Variants in MROH2A observed in about 807,000 individuals in gnomAD.
MROH2A encodes the protein maestro heat like repeat family member 2A, also known as maestro heat-like repeat-containing protein family member 2A.
MROH2A carries 174 observed loss-of-function variants against 200.4 expected under a neutral mutation model. That is an observed-to-expected ratio of 0.87 (90% confidence interval 0.77 to 0.98). The LOEUF (loss-of-function observed/expected upper bound fraction) is 0.98. MROH2A is among the 50% of genes least tolerant of loss of function. The probability of loss-of-function intolerance (pLI) is 0.00; values close to 1 mark genes in which losing one functional copy is unlikely to be tolerated. For missense variants in MROH2A, 2,045 were observed against 2,139.6 expected (o/e 0.96, Z 0.87); for synonymous variants, 829 against 840.4 (o/e 0.99, Z 0.23).
At chr2:233,832,745 T>C in intron 41 of MROH2A, 101 bp downstream of exon 41, 1 of 454,224 alleles carries the variant, frequency 2.2e-6, no homozygotes, top group East Asian at 6.5e-5. Flanking sequence ...GACCCTTTGC[T>C]GTGGGGTTTC....
At chr2:233,817,567 G>A (rs1703624041) in intron 27 of MROH2A, among the ~76,000 whole-genome samples, 1 of 152,180 alleles carries the variant, frequency 6.6e-6, no homozygotes, top group African/African-American at 2.4e-5. Flanking sequence ...GGCTTCACCT[G>A]GGCTCTCATG....
chr2:233,819,614 A>T, intron 30 of MROH2A, 145 bp downstream of exon 30: 1 of 949,490 alleles, frequency 1.1e-6, no homozygotes. Flanking sequence ...GAGGAAACAG[A>T]GTTCTAGAGC....
intron 19 of MROH2A, among the ~76,000 whole-genome samples, chr2:233,806,951 T>G (rs1324849933): frequency 2.0e-5 from 3 of 152,076 alleles, no homozygotes; most frequent in Admixed American, 6.5e-5. Context: ...TTTCCTACCC[T>G]TTCCCCCTGA....
intron 40 of MROH2A, 56 bp downstream of exon 40, chr2:233,832,335 C>T (rs1704818991): frequency 6.9e-7 from 1 of 1,452,010 alleles, no homozygotes; most frequent in Admixed American, 2.0e-5. Flanking sequence ...CTCTAGTCCA[C>T]CCCGGCACTC....
At chr2:233,812,701 C>T (rs1703242612) in intron 24 of MROH2A, among the ~76,000 whole-genome samples, 1 of 152,088 alleles carries the variant, frequency 6.6e-6, no homozygotes, top group Non-Finnish European at 1.5e-5. Context: ...TAGGTCAAAG[C>T]TGACTAACAG....
intron 3 of MROH2A, among the ~76,000 whole-genome samples, chr2:233,784,316 T>G (rs888773182): frequency 6.6e-6 from 1 of 152,238 alleles, no homozygotes; most frequent in African/African-American, 2.4e-5. Context: ...TCCAGCAATA[T>G]ATTACATAAT....
chr2:233,822,364 C>T lies in MROH2A; in HGVS notation c.3674C>T (p.Thr1225Ile), dbSNP rs1559479197. Reference sequence around the variant, plus strand: ...ATGCCCTGGACCTTCTCTCTGCAGACCCTGTGCACCATCCACCTTCTCATT... The same window carrying T: ...ATGCCCTGGACCTTCTCTCTGCAGATCCTGTGCACCATCCACCTTCTCATT... ...WRLAAVDPLM[T>I]LCTIHLLIQK... is the part of the protein sequence containing the mutation. The change falls in exon 33 of 42, where the codon ACC becomes ATC. Residue 1225 changes from threonine (T) to isoleucine (I), a missense_variant and splice_region_variant. Physicochemically the swap from Thr to Ile is moderately conservative, Grantham distance 89 (BLOSUM62 -1). Around this residue, in one of 3 missense-constraint regions of MROH2A, gnomAD observed 1,201 missense variants for 1,311.3 expected, o/e 0.92. Transcript: ENST00000389758. The T allele has an allele frequency of 1.3e-6, 2 of 1,550,784 alleles. No homozygotes were observed. Among genetic ancestry groups the T allele is most frequent in the African/African-American group, 2.7e-5 (2 of 73,046 alleles).
At chr2:233,826,446 A>C in intron 35 of MROH2A, among the ~76,000 whole-genome samples, 1 of 152,238 alleles carries the variant, frequency 6.6e-6, no homozygotes, top group East Asian at 1.9e-4. Context: ...ATCTTGGACA[A>C]ACCTGACAAA....
Position 233,793,699 on chromosome 2 carries a change from CAGTTTTATCTGA to C in MROH2A, c.700_711del (p.Phe234_Lys237del), listed in dbSNP as rs1462480870. ...CATGGAGACCTTCTGTGAGACGGTG[CAGTTTTATCTGA>C]AGCACCTGGAGGAGAGCGTGTACCC... On this transcript the variant is annotated inframe_deletion, in exon 7 of 42. Coordinates refer to ENST00000389758, the MANE Select transcript of MROH2A (RefSeq NM_001394639.1). 6.9e-7 allele frequency: 1 copy of C among 1,451,718 alleles called. No homozygotes were observed. Among genetic ancestry groups the C allele is most frequent in the South Asian group, 1.5e-5 (1 of 67,180 alleles). 89.9% of individuals were successfully genotyped at this position (1,451,718 alleles called of 1,614,324 possible).
chr2:233,794,364 T>A lies in MROH2A; in HGVS notation c.824T>A (p.Val275Glu). ...TVWLRHYNPE[V>E]KLGVIKSLKP... The stretch of plus-strand genomic sequence containing the variant: ...CCCAGAGCTGGTTTCTGGTGGCAGG[T>A]GAAGCTGGGGGTGATCAAGTCCCTG... Residue 275 changes from valine (V) to glutamate (E), a missense_variant and splice_region_variant, in exon 8 of 42, where the codon GTG becomes GAG. Val to Glu is a moderately radical substitution (Grantham distance 121). Coordinates refer to ENST00000389758, the MANE Select transcript of MROH2A (RefSeq NM_001394639.1). The A allele has an allele frequency of 6.5e-7, 1 of 1,549,778 alleles. No individual in the cohort carries two copies. The highest frequency in any genetic ancestry group is 8.7e-7 in the Non-Finnish European group (1 of 1,146,446).
In MROH2A at chr2:233,802,325, G is replaced by A; in HGVS notation, c.1708+10G>A. On this transcript the variant is annotated intron_variant, in intron 15 of 41. Transcript: ENST00000389758. ...GGCAAGAGCAGGCAAGGTGGGCAAA[G>A]TTCCTGTCCAGCTGATTGGATTGGG... is the stretch of plus-strand genomic sequence containing the variant. 6 of 1,547,534 alleles carry A rather than the reference G, an allele frequency of 3.9e-6. No individual in the cohort carries two copies. Among genetic ancestry groups the A allele is most frequent in the Non-Finnish European group, 5.2e-6 (6 of 1,145,494 alleles).
chr2:233,832,476 T>G, intron 40 of MROH2A, 103 bp from the exon 41 acceptor site: 4 of 1,078,214 alleles, frequency 3.7e-6, no homozygotes, highest in Non-Finnish European at 5.5e-6. Flanking sequence ...CTCAACAAAA[T>G]CTTTCATCAA....
In MROH2A at chr2:233,796,132, T is replaced by C; in HGVS notation, c.1139-68T>C. Reference sequence around the variant, plus strand: ...TCCCGGCCCCTCTGAGCGCTGGGCCTGGGACTGCCTTGCTGGGCCTGCTCT... The same window carrying C: ...TCCCGGCCCCTCTGAGCGCTGGGCCCGGGACTGCCTTGCTGGGCCTGCTCT... On this transcript the variant is annotated intron_variant, in intron 10 of 41. Coordinates refer to ENST00000389758, the MANE Select transcript of MROH2A (RefSeq NM_001394639.1). 1.3e-6 allele frequency: 2 copies of C among 1,512,664 alleles called. 1 individual carries two copies. The highest frequency in any genetic ancestry group is 2.5e-5 in the South Asian group (2 of 81,344). The allele number at this position is 1,512,664 out of a possible 1,614,324, so 93.7% of individuals were successfully genotyped here.
chr2:233,818,798 G>T (rs573384173), intron 29 of MROH2A, 28 bp downstream of exon 29: 1 of 1,432,640 alleles, frequency 7.0e-7, no homozygotes, highest in South Asian at 1.2e-5. Flanking sequence ...TGCCTGGGCT[G>T]CCAGGCTGGT....
At chr2:233,784,577 G>C (rs1701101496) in intron 3 of MROH2A, among the ~76,000 whole-genome samples, 1 of 152,164 alleles carries the variant, frequency 6.6e-6, no homozygotes, top group African/African-American at 2.4e-5. Context: ...GATCCCTCAT[G>C]AATGTCTTGG....
rs1700987502 is a variant in MROH2A, at chr2:233,782,304, A to G, written c.276+2452A>G. Among the ~76,000 whole-genome samples, 3 of 152,200 alleles carry G rather than the reference A, an allele frequency of 2.0e-5. No individual in the cohort carries two copies. In the South Asian group the frequency reaches 6.2e-4, roughly 31 times the overall value. On this transcript the variant is annotated intron_variant, in intron 3 of 41. Coordinates refer to ENST00000389758, the MANE Select transcript of MROH2A (RefSeq NM_001394639.1). ...CTAAATTGCTTCTGGTAGTATTTTG[A>G]TAATATTAATTTTTCTATCAGTGAG...
rs1559428392 is a variant in MROH2A at position 233,779,838 on chromosome 2, C to G, written c.262C>G (p.Leu88Val). ...SVVINTLIRC[L>V]QVPEISTQRK... ...AGTGATAAACACTCTCATCCGCTGC[C>G]TGCAGGTGCCAGAGGTAGGGCCATC... Residue 88 changes from leucine (L) to valine (V), a missense_variant, in exon 3 of 42, where the codon CTG becomes GTG. Physicochemically the swap from Leu to Val is conservative, Grantham distance 32. Around this residue, in one of 3 missense-constraint regions of MROH2A, gnomAD observed 831 missense variants for 800.0 expected, o/e 1.04. Coordinates refer to ENST00000389758, the MANE Select transcript of MROH2A (RefSeq NM_001394639.1). 1 of 1,549,968 alleles carries G rather than the reference C, an allele frequency of 6.5e-7. No individual in the cohort carries two copies. The highest frequency in any genetic ancestry group is 8.7e-7 in the Non-Finnish European group (1 of 1,146,848).
In MROH2A at chr2:233,804,137, C is replaced by T. The variant is rs1702646859; in HGVS notation, c.1836C>T (p.Pro612=). ...LLRTLSQSIA[P]SMADMWELEI... is the part of the protein sequence containing the mutation. The stretch of plus-strand genomic sequence containing the variant: ...GGACCCTGAGCCAGAGCATCGCACC[C>T]TCCATGGCCGACATGTGGGAGCTGG... Residue 612 remains proline, a synonymous_variant, in exon 17 of 42, where the codon CCC becomes CCT. Transcript: ENST00000389758. The T allele has an allele frequency of 6.4e-7, 1 of 1,550,466 alleles. No homozygotes were observed. Among genetic ancestry groups the T allele is most frequent in the African/African-American group, 1.4e-5 (1 of 73,034 alleles).
At position 233,805,071 on chromosome 2, in the gene MROH2A, A is replaced by G. The variant is rs938378906; in HGVS notation, c.2012A>G (p.Asn671Ser). The G allele has an allele frequency of 6.5e-7, 1 of 1,550,062 alleles. No individual in the cohort carries two copies. The highest frequency in any genetic ancestry group is 8.7e-7 in the Non-Finnish European group (1 of 1,146,776). ...SWSLRLSKEL[N>S]NQIASFDSPS... The stretch of plus-strand genomic sequence containing the variant: ...AGCCTGCGCTTGAGTAAAGAGCTGA[A>G]CAACCAGATTGCGAGCTTTGACAGC... Residue 671 changes from asparagine (N) to serine (S), a missense_variant, in exon 19 of 42, where the codon AAC (asparagine) becomes AGC (serine). Asn to Ser is a conservative substitution (Grantham distance 46, BLOSUM62 1). This residue lies in a region of MROH2A where 1,201 missense variants were observed against 1,311.3 expected (regional missense o/e 0.92). Transcript: ENST00000389758.
Sources: allele counts gnomAD v4.1 joint callset (sites outside exome capture counted in the v4.1 genomes callset), GRCh38; gene constraint gnomAD v4.1.1; regional missense constraint gnomAD v4.1.1; transcripts MANE v1.5; gene names NCBI Gene and HGNC (gene_info 2026-07-23, HGNC 2026-07-21).